RBFOX1: variants seen among roughly 807,000 people sequenced by gnomAD.
RBFOX1 encodes RNA binding fox-1 homolog 1.
RBFOX1 carries 8 observed loss-of-function variants against 57.7 expected under a neutral mutation model. The observed-to-expected ratio is 0.14, with a 90% CI of 0.08 to 0.25. The LOEUF (loss-of-function observed/expected upper bound fraction) is 0.25. RBFOX1 is among the 10% of genes least tolerant of loss of function. The probability of loss-of-function intolerance (pLI) is 1.00; values close to 1 mark genes in which losing one functional copy is unlikely to be tolerated. For synonymous variants in RBFOX1, 326 were observed against 222.4 expected (o/e 1.47, Z -4.15); for missense variants, 611 against 548.5 (o/e 1.11, Z -1.14).
At chr16:7,005,834 C>T (rs1344422824) in intron 3 of RBFOX1, among the ~76,000 whole-genome samples, 1 of 152,174 alleles carries the variant, frequency 6.6e-6, no homozygotes, top group Non-Finnish European at 1.5e-5. Context: ...GCTGCTTCTT[C>T]ACCGACTACA....
Position 6,093,510 on chromosome 16 carries a change from G to T in RBFOX1, c.-127+73518G>T, listed in dbSNP as rs1346477741. 2.6e-5 allele frequency among the ~76,000 whole-genome samples: 4 copies of T among 152,230 alleles called. 1 individual carries two copies. Among genetic ancestry groups the T allele is most frequent in the African/African-American group, 2.4e-5 (1 of 41,532 alleles). On this transcript the variant is annotated intron_variant, in intron 1 of 15. Transcript: ENST00000550418. Reference sequence around the variant, plus strand: ...ATTTCCAGGTTAGAGGGGCAATGGGGGTTAAGGATAGTGATCACATGCAAC... The same window carrying T: ...ATTTCCAGGTTAGAGGGGCAATGGGTGTTAAGGATAGTGATCACATGCAAC...
chr16:5,908,787 C>G (rs1172495630), intron 4 of RBFOX1, among the ~76,000 whole-genome samples: 1 of 152,026 alleles, frequency 6.6e-6, no homozygotes, highest in African/African-American at 2.4e-5. Context: ...AACTTAATTC[C>G]TGATGTGAGG....
chr16:6,992,318 A>T (rs755333453), intron 3 of RBFOX1, among the ~76,000 whole-genome samples: 2 of 152,068 alleles, frequency 1.3e-5, no homozygotes, highest in Non-Finnish European at 2.9e-5. Flanking sequence ...CCCAGGTTCA[A>T]GCAATTCTCC....
At chr16:6,365,202 GGATGGGTAGATGAATGGATA>G (rs1375710522) in intron 2 of RBFOX1, among the ~76,000 whole-genome samples, 1 of 152,172 alleles carries the variant, frequency 6.6e-6, no homozygotes, top group African/African-American at 2.4e-5. Flanking sequence ...TAAAATAGAT[GGATGGGTAGATGAATGGATA>G]GATGGGTAGA....
chr16:6,608,479 A>G (rs1349703954), intron 2 of RBFOX1, among the ~76,000 whole-genome samples: 1 of 152,202 alleles, frequency 6.6e-6, no homozygotes, highest in Non-Finnish European at 1.5e-5. Flanking sequence ...AATTGTCACA[A>G]GCTTAGTGAC....
chr16:5,906,310 T>C (rs547820615), intron 4 of RBFOX1, among the ~76,000 whole-genome samples: 12 of 152,076 alleles, frequency 7.9e-5, no homozygotes, highest in Middle Eastern at 3.4e-3. Flanking sequence ...AAGGGGAAAT[T>C]TGGACACAAA....
rs368995420 is a variant in RBFOX1 at position 6,238,090 on chromosome 16, CA to C, written c.-126-78884del. ...TGGGTGACAGAATGAGACTCTGTCTCAAAAAAAAAAAAAAAAAAAAAGAAAG... is the reference window on the plus strand; with the variant it reads ...TGGGTGACAGAATGAGACTCTGTCTCAAAAAAAAAAAAAAAAAAAAGAAAG... On this transcript the variant is annotated intron_variant, in intron 1 of 15. Transcript: ENST00000550418. Among the ~76,000 whole-genome samples the C allele has an allele frequency of 2.8e-3, 184 of 66,062 alleles. No individual in the cohort carries two copies. In the East Asian group the frequency reaches 0.028, roughly 10 times the overall value. The allele number at this position is 66,062 out of a possible 152,430, so 43.3% of individuals were successfully genotyped here. A position where few individuals can be genotyped will look rare whatever the true frequency, so the allele number is the denominator to read the frequency against.
intron 3 of RBFOX1, among the ~76,000 whole-genome samples, chr16:5,704,884 C>T (rs530642060): frequency 4.6e-5 from 7 of 152,238 alleles, no homozygotes; most frequent in South Asian, 4.2e-4. Context: ...TGAGACTTAT[C>T]GGGCTTCTTA....
chr16:5,297,414 A>G (rs1455036065), intron 1 of RBFOX1, among the ~76,000 whole-genome samples: 3 of 152,158 alleles, frequency 2.0e-5, no homozygotes, highest in African/African-American at 7.2e-5. Flanking sequence ...GTTATCTTTC[A>G]TCTTTTTTAT....
At chr16:6,768,630 G>A (rs994409854) in intron 3 of RBFOX1, among the ~76,000 whole-genome samples, 7 of 150,890 alleles carry the variant, frequency 4.6e-5, no homozygotes, top group Middle Eastern at 6.8e-3. Context: ...TTTAAATATC[G>A]CCTACCTGTA....
chr16:7,512,472 G>A lies in RBFOX1; in HGVS notation c.28-5675G>A, dbSNP rs113378561. Among the ~76,000 whole-genome samples, 525 of 152,270 alleles carry A rather than the reference G, an allele frequency of 3.4e-3. 3 individuals carry two copies. The highest frequency in any genetic ancestry group is 4.0e-3 in the Non-Finnish European group (272 of 68,012). The stretch of plus-strand genomic sequence containing the variant: ...GTAATTAGCCTAAAGTGCAAATGTT[G>A]GGAATATTAATTAGGGTCTCTCTGG... On this transcript the variant is annotated intron_variant, in intron 4 of 15. Transcript: ENST00000550418.
chr16:6,318,739 A>C (rs2152780404), intron 2 of RBFOX1, among the ~76,000 whole-genome samples: 1 of 152,264 alleles, frequency 6.6e-6, no homozygotes, highest in Admixed American at 6.5e-5. Context: ...TGTATCTACA[A>C]CTGCCATCTA....
At chr16:6,297,991 C>T (rs1234425909) in intron 1 of RBFOX1, among the ~76,000 whole-genome samples, 4 of 152,216 alleles carry the variant, frequency 2.6e-5, no homozygotes, top group East Asian at 1.9e-4. Context: ...TTTCGGGGTG[C>T]TGGAGAAGAG....
At chr16:7,407,373 G>GGGGGGTGT (rs1011842452) in intron 4 of RBFOX1, among the ~76,000 whole-genome samples, 4 of 149,662 alleles carry the variant, frequency 2.7e-5, no homozygotes, top group African/African-American at 9.9e-5. Flanking sequence ...GATTTGTATG[G>GGGGGGTGT]GTGTGTGTGT....
chr16:6,065,910 C>T (rs1284208565), intron 1 of RBFOX1, among the ~76,000 whole-genome samples: 1 of 152,146 alleles, frequency 6.6e-6, no homozygotes, highest in Non-Finnish European at 1.5e-5. Flanking sequence ...AAGTGATTGC[C>T]TGCCAGTGTC....
chr16:5,718,654 C>T (rs575213230), intron 3 of RBFOX1, among the ~76,000 whole-genome samples: 3 of 152,262 alleles, frequency 2.0e-5, no homozygotes, highest in Admixed American at 1.3e-4. Flanking sequence ...TGCTTGTAAG[C>T]CCAGAACTTT....
chr16:7,469,236 T>TA (rs2061101397), intron 4 of RBFOX1, among the ~76,000 whole-genome samples: 1 of 151,272 alleles, frequency 6.6e-6, no homozygotes, highest in African/African-American at 2.4e-5. Context: ...ATTTTTTTTT[T>TA]AATTCTTAGT....
chr16:5,431,825 T>C (rs768784234), intron 1 of RBFOX1, among the ~76,000 whole-genome samples: 22 of 152,226 alleles, frequency 1.4e-4, no homozygotes, highest in Admixed American at 3.3e-4. Flanking sequence ...CCCAGTGCTG[T>C]TTGTCCCCCT....
chr16:7,647,567 CT>C (rs2064001179), intron 11 of RBFOX1, among the ~76,000 whole-genome samples: 1 of 150,268 alleles, frequency 6.7e-6, no homozygotes, highest in African/African-American at 2.4e-5. Context: ...AAAAAGCAAA[CT>C]TGCAGTGCTG....
Sources: allele counts gnomAD v4.1 joint callset (sites outside exome capture counted in the v4.1 genomes callset), GRCh38; gene constraint gnomAD v4.1.1; transcripts MANE v1.5; gene names NCBI Gene and HGNC (gene_info 2026-07-23, HGNC 2026-07-21).